The following FHOD3 variants were observed in gnomAD, a reference collection of about 807,000 sequenced individuals.
FHOD3 encodes the protein formin homology 2 domain containing 3, also known as FH1/FH2 domain-containing protein 3.
In FHOD3, 90 loss-of-function variants were observed where a neutral mutation model predicts 173.0. The ratio of observed to expected loss-of-function variants is 0.52; its 90% CI spans 0.44 to 0.62. FHOD3 has a LOEUF of 0.62. Among genes scored for constraint, FHOD3 ranks in the 20% least tolerant of loss-of-function variants. The probability of loss-of-function intolerance (pLI) is 0.00; values close to 1 mark genes in which losing one functional copy is unlikely to be tolerated. For synonymous variants in FHOD3, 828 were observed against 823.0 expected, an observed-to-expected ratio of 1.01 and a Z score of -0.10; for missense variants, 1,945 against 2,034.7, an observed-to-expected ratio of 0.96 and a Z score of 0.85.
In FHOD3 at chr18:36,693,434, GGA is replaced by G; in HGVS notation, c.2236+15_2236+16del. On this transcript the variant is annotated intron_variant, in intron 17 of 28. Coordinates refer to ENST00000590592, the MANE Select transcript of FHOD3 (RefSeq NM_001281740.3). ...CTCACCATCCCCAAGGTGAGTACAGGGAGAGTAGAGGGAAAATGAACAGGTTA... is the reference window on the plus strand; with the variant it reads ...CTCACCATCCCCAAGGTGAGTACAGGGAGTAGAGGGAAAATGAACAGGTTA... 2.5e-6 allele frequency: 4 copies of G among 1,609,564 alleles called. No homozygotes were observed. Among genetic ancestry groups the G allele is most frequent in the Middle Eastern group, 1.7e-4 (1 of 6,052 alleles).
At chr18:36,587,102 G>T (rs1472815710) in intron 6 of FHOD3, among the ~76,000 whole-genome samples, 1 of 152,178 alleles carries the variant, frequency 6.6e-6, no homozygotes, top group African/African-American at 2.4e-5. Context: ...CAATGAAGGG[G>T]TTGGGGCATT....
intron 5 of FHOD3, among the ~76,000 whole-genome samples, chr18:36,566,274 C>T (rs918423209): frequency 4.6e-5 from 7 of 151,538 alleles, no homozygotes; most frequent in African/African-American, 1.2e-4. Context: ...TTGTATGTAT[C>T]TCTAATGTAT....
chr18:36,665,021 A>T (rs2037084129), intron 14 of FHOD3, among the ~76,000 whole-genome samples: 1 of 152,136 alleles, frequency 6.6e-6, no homozygotes, highest in Non-Finnish European at 1.5e-5. Flanking sequence ...TGAGCCCAGG[A>T]GTTGGCAGCT....
intron 3 of FHOD3, among the ~76,000 whole-genome samples, chr18:36,486,960 A>G (rs1417532788): frequency 6.6e-6 from 1 of 152,214 alleles, no homozygotes; most frequent in Admixed American, 6.5e-5. Context: ...GTTAGAATTC[A>G]TCTAGGCTGC....
chr18:36,638,178 T>A (rs1017132977), intron 10 of FHOD3, among the ~76,000 whole-genome samples: 1 of 152,164 alleles, frequency 6.6e-6, no homozygotes. Flanking sequence ...AAAAGTGTGA[T>A]GGGGCTGGTC....
In FHOD3 at chr18:36,330,911, G is replaced by A. The variant is rs904042330; in HGVS notation, c.166-24628G>A. Among the ~76,000 whole-genome samples the A allele has an allele frequency of 9.8e-5, 15 of 152,290 alleles. No homozygotes were observed. The Middle Eastern group carries it at 0.01, about 104-fold the overall frequency. On this transcript the variant is annotated intron_variant, in intron 1 of 28. Coordinates refer to ENST00000590592, the MANE Select transcript of FHOD3 (RefSeq NM_001281740.3). ...ATCAGTGGAAGGCACATGGACCTCT[G>A]TGGCCCAGAGTGAGCATGCTCATTT...
chr18:36,337,171 CA>C (rs772519016), intron 1 of FHOD3, among the ~76,000 whole-genome samples: 1,910 of 63,662 alleles, frequency 0.03, 7 homozygotes, highest in African/African-American at 0.037. Context: ...GACTCTGTCT[CA>C]AAAAAAAAAA....
At chr18:36,456,372 A>G (rs1357542997) in intron 3 of FHOD3, among the ~76,000 whole-genome samples, 9 of 152,194 alleles carry the variant, frequency 5.9e-5, no homozygotes, top group African/African-American at 2.2e-4. Flanking sequence ...GCACCATCTT[A>G]GGGGTTTGTA....
intron 5 of FHOD3, among the ~76,000 whole-genome samples, chr18:36,554,403 G>A (rs1390776905): frequency 6.7e-6 from 1 of 148,502 alleles, no homozygotes; most frequent in East Asian, 2.0e-4. Flanking sequence ...ACCAAACACT[G>A]CGTATTCTCA....
chr18:36,575,691 G>A (rs1363761127), intron 5 of FHOD3, among the ~76,000 whole-genome samples: 1 of 152,128 alleles, frequency 6.6e-6, no homozygotes, highest in African/African-American at 2.4e-5. Flanking sequence ...TTCCTTTAGG[G>A]CATGTAACTT....
intron 3 of FHOD3, among the ~76,000 whole-genome samples, chr18:36,451,310 A>T (rs569628752): frequency 1.3e-3 from 191 of 152,356 alleles, no homozygotes; most frequent in South Asian, 5.2e-3. Context: ...AAAATAGCTG[A>T]TGTCACAGAC....
intron 20 of FHOD3, among the ~76,000 whole-genome samples, chr18:36,738,735 A>G (rs936215840): frequency 1.3e-5 from 2 of 152,236 alleles, no homozygotes; most frequent in Non-Finnish European, 2.9e-5. Context: ...TTCAAAATCA[A>G]TGGGCCACAT....
chr18:36,613,836 G>T (rs117088898), intron 9 of FHOD3, among the ~76,000 whole-genome samples: 3 of 152,030 alleles, frequency 2.0e-5, no homozygotes, highest in African/African-American at 4.8e-5. Context: ...ATCATGACCA[G>T]CTAATTTTTA....
intron 1 of FHOD3, among the ~76,000 whole-genome samples, chr18:36,301,499 G>T (rs1038232004): frequency 6.6e-6 from 1 of 152,166 alleles, no homozygotes; most frequent in African/African-American, 2.4e-5. Context: ...CTAACAAAAA[G>T]TTCAAATCAG....
At chr18:36,298,400 A>G (rs1172875733) in intron 1 of FHOD3, among the ~76,000 whole-genome samples, 3 of 152,174 alleles carry the variant, frequency 2.0e-5, no homozygotes, top group Admixed American at 1.3e-4. Context: ...GAGCGCCGCG[A>G]GACTCAGGTC....
chr18:36,641,284 G>A (rs1035611815), intron 10 of FHOD3, among the ~76,000 whole-genome samples: 2 of 152,212 alleles, frequency 1.3e-5, no homozygotes, highest in African/African-American at 4.8e-5. Context: ...GTGGAAGCTT[G>A]ATATATCAGT....
intron 5 of FHOD3, among the ~76,000 whole-genome samples, chr18:36,527,042 T>C (rs1449390747): frequency 6.6e-6 from 1 of 152,188 alleles, no homozygotes; most frequent in Non-Finnish European, 1.5e-5. Context: ...TCCCACCTTC[T>C]TGGACAAGCA....
intron 3 of FHOD3, among the ~76,000 whole-genome samples, chr18:36,413,212 T>C (rs1423434250): frequency 3.3e-5 from 5 of 152,194 alleles, no homozygotes; most frequent in Non-Finnish European, 7.4e-5. Context: ...TAAGAAAAGA[T>C]GCCTTGGTGA....
rs140875000 is a variant in FHOD3, at chr18:36,448,587, C to T, written c.338-53345C>T. On this transcript the variant is annotated intron_variant, in intron 3 of 28. Coordinates refer to ENST00000590592, the MANE Select transcript of FHOD3 (RefSeq NM_001281740.3). ...CCCAAGCATTTTATACACAAGGCTC[C>T]CCGCCTCCCTCTGTGTGAGGGAGGG... Among the ~76,000 whole-genome samples the T allele has an allele frequency of 9.2e-3, 1,402 of 152,212 alleles. 11 individuals carry two copies. The highest frequency in any genetic ancestry group is 0.016 in the Non-Finnish European group (1,110 of 67,984).
Sources: allele counts gnomAD v4.1 joint callset (sites outside exome capture counted in the v4.1 genomes callset), GRCh38; gene constraint gnomAD v4.1.1; transcripts MANE v1.5; gene names NCBI Gene and HGNC (gene_info 2026-07-23, HGNC 2026-07-21).